MYO1D: variants seen among roughly 807,000 people sequenced by gnomAD.
MYO1D encodes unconventional myosin-Id.
In MYO1D, 83 loss-of-function variants were observed where a neutral mutation model predicts 122.0. The ratio of observed to expected loss-of-function variants is 0.68; its 90% CI spans 0.57 to 0.82. The LOEUF is 0.82. Ranked by LOEUF, MYO1D falls within the 40% of genes least tolerant of loss-of-function variation. The pLI, the probability that MYO1D is intolerant of heterozygous loss-of-function variation, is 0.00. For missense variants in MYO1D, 1,157 were observed against 1,269.5 expected, an observed-to-expected ratio of 0.91 and a Z score of 1.35; for synonymous variants, 464 against 446.9, an observed-to-expected ratio of 1.04 and a Z score of -0.48.
In MYO1D at chr17:32,778,466, T is replaced by C; in HGVS notation, c.398+14A>G. 1 of 1,603,214 alleles carries C rather than the reference T, an allele frequency of 6.2e-7. No homozygotes were observed. Among genetic ancestry groups the C allele is most frequent in the East Asian group, 2.2e-5 (1 of 44,822 alleles). Reference sequence around the variant, plus strand: ...AGTGCTAAGAATTCCTCCCCATTATTAGAGTGCTCTTACCTTTCAACCTCT... The same window carrying C: ...AGTGCTAAGAATTCCTCCCCATTATCAGAGTGCTCTTACCTTTCAACCTCT... On this transcript the variant is annotated intron_variant, in intron 3 of 21. Transcript: ENST00000318217.
At chr17:32,585,249 A>G (rs1464024854) in intron 21 of MYO1D, among the ~76,000 whole-genome samples, 1 of 151,550 alleles carries the variant, frequency 6.6e-6, no homozygotes, top group African/African-American at 2.4e-5. Context: ...TTCTTCTTAT[A>G]CCCTCAGATT....
At position 32,638,775 on chromosome 17, in the gene MYO1D, T is replaced by C. The variant is rs1202467368; in HGVS notation, c.2656A>G (p.Lys886Glu). 1 of 1,613,968 alleles carries C rather than the reference T, an allele frequency of 6.2e-7. No individual in the cohort carries two copies. Among genetic ancestry groups the C allele is most frequent in the Non-Finnish European group, 8.5e-7 (1 of 1,179,896 alleles). The stretch of plus-strand genomic sequence containing the variant: ...TTGTACTGTTTAGTGGGATCCATTT[T>C]ATACAGGTGACGGTCAGTGACAAAA... ...AIFVTDRHLYKMDPTKQYKVM... is the reference protein window; with the variant it reads ...AIFVTDRHLYEMDPTKQYKVM... Residue 886 changes from lysine (K) to glutamate (E), a missense_variant, in exon 20 of 22, where the codon AAA (lysine) becomes GAA (glutamate). By Grantham distance (56) the Lys-to-Glu change is moderately conservative. Coordinates refer to ENST00000318217, the MANE Select transcript of MYO1D (RefSeq NM_015194.3).
At chr17:32,711,652 GAAA>G (rs112201977) in intron 16 of MYO1D, among the ~76,000 whole-genome samples, 2 of 151,344 alleles carry the variant, frequency 1.3e-5, no homozygotes, top group African/African-American at 4.9e-5. Flanking sequence ...TCTCGGGGGG[GAAA>G]AAAAAAGTCC....
At chr17:32,700,675 G>A (rs577612759) in intron 16 of MYO1D, among the ~76,000 whole-genome samples, 6 of 152,238 alleles carry the variant, frequency 3.9e-5, no homozygotes, top group African/African-American at 1.2e-4. Context: ...TGGGCACGGT[G>A]GCTTACACCT....
intron 13 of MYO1D, among the ~76,000 whole-genome samples, chr17:32,740,218 T>C (rs988929640): frequency 9.9e-5 from 15 of 152,208 alleles, no homozygotes; most frequent in Admixed American, 9.8e-4. Context: ...GCACTTTGTG[T>C]ACTTTGAAAA....
At chr17:32,822,652 C>G (rs1489712448) in intron 1 of MYO1D, among the ~76,000 whole-genome samples, 1 of 149,284 alleles carries the variant, frequency 6.7e-6, no homozygotes, top group South Asian at 2.1e-4. Context: ...GCCGCGCGGG[C>G]CCCGGTGGGG....
At chr17:32,767,486 GCAAGAA>G in intron 7 of MYO1D, 144 bp downstream of exon 7, 2 of 518,384 alleles carry the variant, frequency 3.9e-6, no homozygotes, top group Non-Finnish European at 6.8e-6. Context: ...TAAAATGATG[GCAAGAA>G]CCACAGACAT....
At chr17:32,816,072 GA>G (rs1474922486) in intron 1 of MYO1D, among the ~76,000 whole-genome samples, 1 of 152,112 alleles carries the variant, frequency 6.6e-6, no homozygotes, top group Non-Finnish European at 1.5e-5. Flanking sequence ...CCTAAACAAG[GA>G]ATCCATTCAT....
chr17:32,728,861 C>T (rs1402186842), intron 14 of MYO1D, among the ~76,000 whole-genome samples: 1 of 152,130 alleles, frequency 6.6e-6, no homozygotes, highest in East Asian at 1.9e-4. Context: ...AGTGATTACG[C>T]ATAGGAAGTG....
At chr17:32,722,295 T>C (rs896964054) in intron 14 of MYO1D, among the ~76,000 whole-genome samples, 6 of 152,240 alleles carry the variant, frequency 3.9e-5, no homozygotes, top group Admixed American at 3.9e-4. Context: ...TCTAGTATAT[T>C]AAAACAACAC....
chr17:32,718,033 A>G (rs552604393), intron 15 of MYO1D, among the ~76,000 whole-genome samples: 3 of 151,886 alleles, frequency 2.0e-5, no homozygotes, highest in Admixed American at 1.3e-4. Context: ...AATACTTCCC[A>G]TCTTTTTTTC....
At chr17:32,523,755 C>A (rs1372781684) in intron 21 of MYO1D, among the ~76,000 whole-genome samples, 6 of 146,022 alleles carry the variant, frequency 4.1e-5, no homozygotes, top group Admixed American at 3.5e-4. Flanking sequence ...TGTACCACTG[C>A]ACTCCAGCCT....
At chr17:32,508,058 A>G (rs1909560189) in intron 21 of MYO1D, among the ~76,000 whole-genome samples, 1 of 151,882 alleles carries the variant, frequency 6.6e-6, no homozygotes, top group Admixed American at 6.6e-5. Flanking sequence ...CACCATGCCC[A>G]GGCAATTTTT....
intron 21 of MYO1D, among the ~76,000 whole-genome samples, chr17:32,604,825 C>T (rs796290529): frequency 2.0e-5 from 3 of 152,136 alleles, no homozygotes; most frequent in Admixed American, 6.5e-5. Flanking sequence ...GCATTTGGAT[C>T]GACAGTGGAA....
intron 21 of MYO1D, among the ~76,000 whole-genome samples, chr17:32,536,441 G>T (rs1400164305): frequency 6.6e-6 from 1 of 152,214 alleles, no homozygotes; most frequent in Non-Finnish European, 1.5e-5. Flanking sequence ...AGATTCTATT[G>T]TATCAGGTCA....
intron 21 of MYO1D, among the ~76,000 whole-genome samples, chr17:32,570,583 AC>A (rs2087216110): frequency 6.6e-6 from 1 of 152,112 alleles, no homozygotes; most frequent in South Asian, 2.1e-4. Flanking sequence ...CGATCTCCTG[AC>A]CTTGTGATCT....
chr17:32,586,981 T>C (rs564287104), intron 21 of MYO1D, among the ~76,000 whole-genome samples: 1 of 152,332 alleles, frequency 6.6e-6, no homozygotes, highest in East Asian at 1.9e-4. Context: ...CAAAAACTTA[T>C]TTCTTGATGG....
intron 8 of MYO1D, 122 bp from the exon 9 acceptor site, chr17:32,760,749 C>A (rs896659301): frequency 1.7e-5 from 17 of 1,011,532 alleles, no homozygotes; most frequent in Non-Finnish European, 2.2e-5. Context: ...TTACTGGCCT[C>A]AGCAGAACAA....
At chr17:32,547,509 T>C (rs1342447527) in intron 21 of MYO1D, among the ~76,000 whole-genome samples, 2 of 152,234 alleles carry the variant, frequency 1.3e-5, no homozygotes, top group African/African-American at 2.4e-5. Flanking sequence ...TCCATAGGCA[T>C]AAAGGTGACT....
Sources: gnomAD v4.1 joint callset for allele counts (sites outside exome capture counted in the v4.1 genomes callset) on GRCh38, gnomAD v4.1.1 for gene constraint, MANE v1.5 for transcripts, NCBI Gene and HGNC (gene_info 2026-07-23, HGNC 2026-07-21) for gene names.